The following FTSJ1 variants were observed in gnomAD, a reference collection of about 807,000 sequenced individuals.
FTSJ1 encodes FtsJ RNA 2'-O-methyltransferase 1, also known as tRNA (cytidine(32)/guanosine(34)-2'-O)-methyltransferase.
Under a neutral mutation model 28.5 loss-of-function variants are expected in FTSJ1, and 3 were observed. The ratio of observed to expected loss-of-function variants is 0.11; its 90% confidence interval spans 0.05 to 0.27. The LOEUF is 0.27. Ranked by LOEUF, FTSJ1 falls within the 10% of genes least tolerant of loss-of-function variation. The probability of loss-of-function intolerance (pLI) is 1.00; values close to 1 mark genes in which losing one functional copy is unlikely to be tolerated. For missense variants in FTSJ1, 162 were observed against 279.0 expected, an observed-to-expected ratio of 0.58 and a Z score of 2.99; for synonymous variants, 104 against 113.9, an observed-to-expected ratio of 0.91 and a Z score of 0.55.
rs1556967389 is a variant in FTSJ1, at chrX:48,478,626, G to A, written c.201G>A (p.Gly67=). Residue 67 remains glycine, a synonymous_variant, in exon 4 of 13, where the codon GGG becomes GGA. Coordinates refer to ENST00000348411, the MANE Select transcript of FTSJ1 (RefSeq NM_012280.4). ...QVLSQKIGGQ[G]SGHVVAVDLQ... is the part of the protein sequence containing the mutation. ...GCCATGTTGTCCACAGGGGCCAAGG[G>A]TCCGGCCACGTGGTGGCTGTGGACC... 8.3e-7 allele frequency: 1 copy of A among 1,207,644 alleles called. No homozygotes were observed. The highest frequency in any genetic ancestry group is 1.1e-6 in the Non-Finnish European group (1 of 892,377).
intron 11 of FTSJ1, 75 bp downstream of exon 11, chrX:48,482,869 C>A (rs1045993): frequency 8.3e-7 from 1 of 1,206,102 alleles, no homozygotes; most frequent in Non-Finnish European, 1.1e-6. Context: ...CTCATGGTTT[C>A]TGGGGCCAAA....
In FTSJ1 at chrX:48,476,279, G is replaced by C. The variant is rs894305871; in HGVS notation, c.-205G>C. 1.0e-5 allele frequency: 3 copies of C among 298,001 alleles called. No individual in the cohort carries two copies. Among genetic ancestry groups the C allele is most frequent in the Non-Finnish European group, 1.8e-5 (3 of 170,264 alleles). The allele number at this position is 298,001 out of a possible 1,213,427, so 24.6% of individuals were successfully genotyped here. On this transcript the variant is annotated 5_prime_UTR_variant, in exon 1 of 13. Coordinates refer to ENST00000348411, the MANE Select transcript of FTSJ1 (RefSeq NM_012280.4). Reference sequence around the variant, plus strand: ...CCACGCTGCGACAGCCCATAGGCTTGCCCCCCCGGGCATTCGGGTGGACTA... The same window carrying C: ...CCACGCTGCGACAGCCCATAGGCTTCCCCCCCCGGGCATTCGGGTGGACTA...
chrX:48,483,567 G>T (rs782131833), intron 12 of FTSJ1, among the ~76,000 whole-genome samples: 1 of 111,112 alleles, frequency 9.0e-6, no homozygotes. Flanking sequence ...GAGTTCAGTG[G>T]TGTGATTTCC....
rs782132071 is a variant in FTSJ1, at chrX:48,481,103, TGCACAGA to T, written c.362-45_362-39del. On this transcript the variant is annotated intron_variant, in intron 5 of 12. Transcript: ENST00000348411. ...GTCTGATCTGTGTGGTACAAGAAGA[TGCACAGA>T]GCCAGATGGGACCCCCCTAACGCTG... The T allele has an allele frequency of 5.6e-6, 6 of 1,066,816 alleles. No homozygotes were observed. In the South Asian group the frequency reaches 1.1e-4, roughly 20 times the overall value. The allele number at this position is 1,066,816 out of a possible 1,213,427, so 87.9% of individuals were successfully genotyped here.
intron 12 of FTSJ1, among the ~76,000 whole-genome samples, chrX:48,484,759 TTAAAG>T (rs2061591653): frequency 8.9e-6 from 1 of 111,967 alleles, no homozygotes; most frequent in Non-Finnish European, 1.9e-5. Context: ...TTTTTAATAT[TTAAAG>T]GGTCCTGTAA....
At position 48,477,996 on chromosome X, in the gene FTSJ1, C is replaced by T. The variant is rs2061543630; in HGVS notation, c.-52C>T. The T allele has an allele frequency of 8.3e-7, 1 of 1,208,443 alleles. No homozygotes were observed. The highest frequency in any genetic ancestry group is 1.1e-6 in the Non-Finnish European group (1 of 894,223). ...TAGCCCATTCATCTGGTTACTGATA[C>T]TGGCCGGCATCAGTGGACTGTCGGC... On this transcript the variant is annotated 5_prime_UTR_variant, in exon 2 of 13. Transcript: ENST00000348411.
In FTSJ1 at chrX:48,483,015, T is replaced by C; in HGVS notation, c.987T>C (p.Pro329=). The change falls in exon 12 of 13, where the codon CCT becomes CCC. Residue 329 remains proline, a synonymous_variant. Coordinates refer to ENST00000348411, the MANE Select transcript of FTSJ1 (RefSeq NM_012280.4). ...AAGACAATGAAATGAGTTGTTCACC[T>C]TAACCCATTACGGTAAGTTTGCCTT... ...EMEDNEMSCS[P] The C allele has an allele frequency of 8.3e-7, 1 of 1,200,152 alleles. No homozygotes were observed. Among genetic ancestry groups the C allele is most frequent in the South Asian group, 1.8e-5 (1 of 56,759 alleles).
At position 48,478,058 on chromosome X, in the gene FTSJ1, C is replaced by T. The variant is rs1556966928; in HGVS notation, c.11C>T (p.Thr4Met). Residue 4 changes from threonine to methionine, a missense_variant, in exon 2 of 13, where the codon ACG becomes ATG. Physicochemically the swap from Thr to Met is moderately conservative, Grantham distance 81 (BLOSUM62 -1). Transcript: ENST00000348411. MGR[T>M]SKDKRDVYYR... ...CAACTGGTGTGTGAAATGGGACGGA[C>T]GTCAAAGGACAAGCGGGATGTCTAC... The T allele has an allele frequency of 2.5e-6, 3 of 1,209,443 alleles. No individual in the cohort carries two copies. Among genetic ancestry groups the T allele is most frequent in the African/African-American group, 1.7e-5 (1 of 57,209 alleles).
chrX:48,476,213 C>T lies in FTSJ1; in HGVS notation c.-271C>T, dbSNP rs2061530570. 1 of 297,398 alleles carries T rather than the reference C, an allele frequency of 3.4e-6. No homozygotes were observed. The highest frequency in any genetic ancestry group is 2.0e-4 in the South Asian group (1 of 5,050). 24.5% of individuals were successfully genotyped at this position (297,398 alleles called of 1,213,427 possible). A position where few individuals can be genotyped will look rare whatever the true frequency, so the allele number is the denominator to read the frequency against. On this transcript the variant is annotated 5_prime_UTR_variant, in exon 1 of 13. Coordinates refer to ENST00000348411, the MANE Select transcript of FTSJ1 (RefSeq NM_012280.4). Reference sequence around the variant, plus strand: ...TCACGTTGTACGTTCACATCAGGTCCCGGCCCGCCGGAACCTGGGCGATCC... The same window carrying T: ...TCACGTTGTACGTTCACATCAGGTCTCGGCCCGCCGGAACCTGGGCGATCC...
chrX:48,478,219 A>G lies in FTSJ1; in HGVS notation c.121+51A>G, dbSNP rs782171289. 26 of 1,126,307 alleles carry G rather than the reference A, an allele frequency of 2.3e-5. No homozygotes were observed. In the African/African-American group the frequency reaches 4.7e-4, roughly 20 times the overall value. 92.8% of individuals were successfully genotyped at this position (1,126,307 alleles called of 1,213,427 possible). The stretch of plus-strand genomic sequence containing the variant: ...GGGCGGTGAGGTGGGCACAGGAGGT[A>G]AACAAGTAGGCTGGGTCTGCAGAGC... On this transcript the variant is annotated intron_variant, in intron 2 of 12. Transcript: ENST00000348411.
intron 5 of FTSJ1, among the ~76,000 whole-genome samples, chrX:48,479,565 A>C (rs191814491): frequency 0.044 from 4,958 of 112,851 alleles, 109 homozygotes; most frequent in East Asian, 0.067. Flanking sequence ...GTACCATTAA[A>C]AGGGGATGGG....
At chrX:48,479,449 A>G (rs781957468) in intron 5 of FTSJ1, among the ~76,000 whole-genome samples, 1 of 112,743 alleles carries the variant, frequency 8.9e-6, no homozygotes, top group East Asian at 2.8e-4. Context: ...CTGAGCACCT[A>G]TTGTGTTGGG....
rs1556969211 is a variant in FTSJ1, at chrX:48,483,027, G to A, written c.*9G>A. The A allele has an allele frequency of 3.9e-5, 46 of 1,192,658 alleles. No homozygotes were observed. Among genetic ancestry groups the A allele is most frequent in the Non-Finnish European group, 5.1e-5 (45 of 879,254 alleles). On this transcript the variant is annotated splice_region_variant and 3_prime_UTR_variant, in exon 12 of 13. Transcript: ENST00000348411. ...TGAGTTGTTCACCTTAACCCATTAC[G>A]GTAAGTTTGCCTTGTTATCTAAGAG...
At chrX:48,484,479 G>A (rs1415199438) in intron 12 of FTSJ1, among the ~76,000 whole-genome samples, 1 of 110,966 alleles carries the variant, frequency 9.0e-6, no homozygotes, top group Admixed American at 9.6e-5. Context: ...CGCCTCCCGG[G>A]TTCAAGAGAT....
At chrX:48,484,387 G>A (rs1556969524) in intron 12 of FTSJ1, among the ~76,000 whole-genome samples, 2 of 105,404 alleles carry the variant, frequency 1.9e-5, no homozygotes, top group African/African-American at 7.0e-5. Context: ...TTTGTTTTTT[G>A]TTTTGTTTTG....
chrX:48,485,197 G>A (rs1218664906), intron 12 of FTSJ1, among the ~76,000 whole-genome samples: 3 of 111,950 alleles, frequency 2.7e-5, no homozygotes, highest in Non-Finnish European at 3.8e-5. Flanking sequence ...AGGAGGCTGA[G>A]GCAGGAGAAT....
rs34981721 is a variant in FTSJ1 at position 48,481,198 on chromosome X, C to T, written c.409C>T (p.Leu137=). Reference sequence around the variant, plus strand: ...TGAGTATATGCAGGCCCAGCTCCTCCTAGCTGTGAGTAACCCTGGCCACCC... The same window carrying T: ...TGAGTATATGCAGGCCCAGCTCCTCTTAGCTGTGAGTAACCCTGGCCACCC... ...VDEYMQAQLL[L]AALNIATHVL... Residue 137 remains leucine, a synonymous_variant, in exon 6 of 13, where the codon CTA becomes TTA. Transcript: ENST00000348411. The T allele has an allele frequency of 3.0e-4, 365 of 1,207,391 alleles. 7 individuals are homozygous for T. The African/African-American group carries it at 5.0e-3, about 17-fold the overall frequency.
Position 48,478,440 on chromosome X carries a change from T to C in FTSJ1, c.122-9T>C. On this transcript the variant is annotated splice_polypyrimidine_tract_variant and intron_variant, in intron 2 of 12. Coordinates refer to ENST00000348411, the MANE Select transcript of FTSJ1 (RefSeq NM_012280.4). ...AGCTGATCAGGATGCTTTCACTATGTATGCCCAGGCGTGACACGGGCAGTT... is the reference window on the plus strand; with the variant it reads ...AGCTGATCAGGATGCTTTCACTATGCATGCCCAGGCGTGACACGGGCAGTT... The C allele has an allele frequency of 8.3e-7, 1 of 1,205,765 alleles. No homozygotes were observed. Among genetic ancestry groups the C allele is most frequent in the Non-Finnish European group, 1.1e-6 (1 of 891,174 alleles).
At chrX:48,480,076 G>A (rs1224129708) in intron 5 of FTSJ1, among the ~76,000 whole-genome samples, 1 of 110,342 alleles carries the variant, frequency 9.1e-6, no homozygotes. Context: ...CCCGGGAGGC[G>A]GAGGTTGCAG....
Sources: gnomAD v4.1 joint callset for allele counts (sites outside exome capture counted in the v4.1 genomes callset) on GRCh38, gnomAD v4.1.1 for gene constraint, MANE v1.5 for transcripts, NCBI Gene and HGNC (gene_info 2026-07-23, HGNC 2026-07-21) for gene names.